The following SMARCA4 variants were observed in gnomAD, a reference collection of about 807,000 sequenced individuals.
The protein encoded by SMARCA4 is SWI/SNF-related matrix-associated actin-dependent regulator of chromatin subfamily A member 4.
SMARCA4 carries 31 observed loss-of-function variants against 193.9 expected under a neutral mutation model. The ratio of observed to expected loss-of-function variants is 0.16; its 90% CI spans 0.12 to 0.22. The LOEUF (loss-of-function observed/expected upper bound fraction) is 0.22, where lower values mean the gene tolerates loss of function less well. Ranked by LOEUF, SMARCA4 falls within the 10% of genes least tolerant of loss-of-function variation. The pLI, the probability that SMARCA4 is intolerant of heterozygous loss-of-function variation, is 1.00. For missense variants in SMARCA4, 1,148 were observed against 2,296.0 expected (o/e 0.50, Z 10.22); for synonymous variants, 942 against 933.1 (o/e 1.01, Z -0.17).
At chr19:10,996,413 G>A (rs891245598) in intron 10 of SMARCA4, 33 bp downstream of exon 10, 1 of 1,614,090 alleles carries the variant, frequency 6.2e-7, no homozygotes, top group South Asian at 1.1e-5. Flanking sequence ...CCCGCCGCGG[G>A]TGGGATGGGA....
intron 18 of SMARCA4, chr19:11,021,407 C>T (rs1279917131): frequency 1.3e-5 from 6 of 450,064 alleles, no homozygotes; most frequent in South Asian, 5.8e-5. Context: ...AGAACGTGCT[C>T]GGCATTTTTC....
At chr19:10,992,279 C>CT (rs1421056526) in intron 8 of SMARCA4, among the ~76,000 whole-genome samples, 6 of 140,558 alleles carry the variant, frequency 4.3e-5, no homozygotes, top group South Asian at 4.7e-4. Context: ...GCCTGGCTAA[C>CT]TTTTTTTTTG....
intron 11 of SMARCA4, among the ~76,000 whole-genome samples, chr19:10,997,668 A>G (rs1227329717): frequency 6.6e-6 from 1 of 151,184 alleles, no homozygotes; most frequent in Admixed American, 6.6e-5. Flanking sequence ...GGGGTTCCAT[A>G]TGTTTTTCAG....
At chr19:11,042,746 A>AGAGGCT (rs2075690026) in intron 30 of SMARCA4, among the ~76,000 whole-genome samples, 1 of 152,204 alleles carries the variant, frequency 6.6e-6, no homozygotes, top group South Asian at 2.1e-4. Context: ...CAGCACTTTG[A>AGAGGCT]GAGGCTGAGG....
chr19:11,023,687 C>A, intron 20 of SMARCA4, 56 bp downstream of exon 20: 1 of 1,114,792 alleles, frequency 9.0e-7, no homozygotes, highest in South Asian at 1.3e-5. Context: ...GGGGCTTTCT[C>A]CAGGGCTGGG....
chr19:10,975,563 C>T (rs949105193), intron 1 of SMARCA4, among the ~76,000 whole-genome samples: 2 of 151,496 alleles, frequency 1.3e-5, no homozygotes, highest in Non-Finnish European at 2.9e-5. Flanking sequence ...CCCACCTTGG[C>T]CTCGCAAAGT....
Position 11,015,272 on chromosome 19 carries a change from T to G in SMARCA4, c.2438+2160T>G, listed in dbSNP as rs368689634. Reference sequence around the variant, plus strand: ...AAACCAGAGGCCTTATTTACCAATCTTGTCAGTTTTCTCACAAGTGGCCTT... The same window carrying G: ...AAACCAGAGGCCTTATTTACCAATCGTGTCAGTTTTCTCACAAGTGGCCTT... On this transcript the variant is annotated intron_variant, in intron 16 of 34. Transcript: ENST00000344626. Among the ~76,000 whole-genome samples, 32 of 152,326 alleles carry G rather than the reference T, an allele frequency of 2.1e-4. 1 individual carries two copies. The highest frequency in any genetic ancestry group is 7.0e-4 in the African/African-American group (29 of 41,580).
At chr19:11,024,165 G>C (rs891415062) in intron 20 of SMARCA4, among the ~76,000 whole-genome samples, 166 bp from the exon 21 acceptor site, 45 of 152,148 alleles carry the variant, frequency 3.0e-4, no homozygotes, top group African/African-American at 1.0e-3. Flanking sequence ...TCATTGCCCA[G>C]GTCTCCCCTC....
At position 10,986,543 on chromosome 19, in the gene SMARCA4, GC is replaced by G; in HGVS notation, c.714del (p.Gly239AlafsTer64). ...GGACCCGGCCCTGGCCCTGGCCCTG[GC>G]CCCGGCCCGGGTCCCGGCCCGGCAC... ...ATGPGPGPGP[G>X]PGPGPGPAPP... On this transcript the variant is annotated frameshift_variant, in exon 4 of 35. Transcript: ENST00000344626. LOFTEE classifies it high-confidence loss of function. The surrounding 1 kb of genome is among the most constrained non-coding windows in gnomAD (Gnocchi z 6.7). The G allele has an allele frequency of 6.5e-7, 1 of 1,540,396 alleles. No homozygotes were observed.
intron 1 of SMARCA4, among the ~76,000 whole-genome samples, chr19:10,971,747 C>T (rs1364566441): frequency 2.7e-5 from 4 of 150,482 alleles, no homozygotes; most frequent in Non-Finnish European, 4.4e-5. Context: ...GAATTACAGG[C>T]GTGAGCCACC....
intron 29 of SMARCA4, among the ~76,000 whole-genome samples, chr19:11,039,071 T>G (rs1248026073): frequency 2.0e-5 from 3 of 148,436 alleles, no homozygotes; most frequent in African/African-American, 7.4e-5. Flanking sequence ...AAAAAAAAAA[T>G]GCCAGGCACA....
intron 7 of SMARCA4, among the ~76,000 whole-genome samples, chr19:10,990,530 A>G (rs180937530): frequency 6.6e-6 from 1 of 151,866 alleles, no homozygotes; most frequent in African/African-American, 2.4e-5. Flanking sequence ...CTCCTGCCTC[A>G]GCCTCCCAAA....
At chr19:11,061,397 C>T (rs558830521) in intron 34 of SMARCA4, among the ~76,000 whole-genome samples, 1 of 151,548 alleles carries the variant, frequency 6.6e-6, no homozygotes, top group African/African-American at 2.4e-5. Flanking sequence ...CACAGGGACT[C>T]GTCCTGTAGA....
chr19:11,048,625 T>C (rs2076084130), intron 30 of SMARCA4, among the ~76,000 whole-genome samples: 1 of 152,214 alleles, frequency 6.6e-6, no homozygotes, highest in Non-Finnish European at 1.5e-5. Context: ...ATGGTCCGTC[T>C]AGGTGGCGAC....
chr19:10,998,912 G>A (rs1024363955), intron 11 of SMARCA4, among the ~76,000 whole-genome samples: 1 of 71,396 alleles, frequency 1.4e-5, no homozygotes, highest in African/African-American at 5.3e-5. Flanking sequence ...TTTTTTTTTT[G>A]TCTGTCAAGA....
At chr19:11,061,204 A>AAAAAAAAAATATATAT (rs1555797070) in intron 34 of SMARCA4, among the ~76,000 whole-genome samples, 4 of 45,212 alleles carry the variant, frequency 8.8e-5, no homozygotes, top group African/African-American at 4.5e-4. Flanking sequence ...AAAAAAAAAA[A>AAAAAAAAAATATATAT]ATATATATAT....
intron 8 of SMARCA4, 98 bp downstream of exon 8, chr19:10,991,421 ATGC>A: frequency 6.5e-7 from 1 of 1,529,592 alleles, no homozygotes; most frequent in Non-Finnish European, 8.8e-7. Flanking sequence ...GTTCCTAAAC[ATGC>A]TGCTTGTCTC....
chr19:11,035,679 G>T (rs573095136), intron 29 of SMARCA4, among the ~76,000 whole-genome samples: 1 of 152,242 alleles, frequency 6.6e-6, no homozygotes, highest in Non-Finnish European at 1.5e-5. Flanking sequence ...TGGAGCTGAC[G>T]TGAGGGCCCG....
chr19:10,995,532 A>G (rs1322928435), intron 9 of SMARCA4: 1 of 455,982 alleles, frequency 2.2e-6, no homozygotes, highest in South Asian at 1.5e-5. Flanking sequence ...GTGGAAGGGG[A>G]GGGACAGGGT....
Sources: allele counts gnomAD v4.1 joint callset (sites outside exome capture counted in the v4.1 genomes callset), GRCh38; gene constraint gnomAD v4.1.1; non-coding constraint Gnocchi (gnomAD v3.1); transcripts MANE v1.5; gene names NCBI Gene and HGNC (gene_info 2026-07-23, HGNC 2026-07-21).